The following ARFGEF3 variants were observed in gnomAD, a reference collection of about 807,000 sequenced individuals.
ARFGEF3 encodes the protein ARFGEF family member 3.
A neutral mutation model predicts 221.7 loss-of-function variants in ARFGEF3; 96 were observed. The observed-to-expected ratio is 0.43, with a 90% CI of 0.37 to 0.51. ARFGEF3 has a LOEUF of 0.51. Ranked by LOEUF, ARFGEF3 falls within the 20% of genes least tolerant of loss-of-function variation. The pLI, the probability that ARFGEF3 is intolerant of heterozygous loss-of-function variation, is 0.00. For missense variants in ARFGEF3, 2,410 were observed against 2,789.9 expected (o/e 0.86, Z 3.07); for synonymous variants, 1,145 against 1,126.8 (o/e 1.02, Z -0.32).
At chr6:138,198,591 C>A (rs540667460) in intron 2 of ARFGEF3, among the ~76,000 whole-genome samples, 21 of 152,244 alleles carry the variant, frequency 1.4e-4, no homozygotes, top group Non-Finnish European at 2.8e-4. Flanking sequence ...TGAGTGTCAC[C>A]ACAGTGAGGG....
At position 138,334,847 on chromosome 6, in the gene ARFGEF3, C is replaced by A. The variant is rs182084247; in HGVS notation, c.6001C>A (p.Arg2001=). 1.3e-6 allele frequency: 2 copies of A among 1,596,784 alleles called. No homozygotes were observed. Among genetic ancestry groups the A allele is most frequent in the African/African-American group, 2.7e-5 (2 of 74,446 alleles). ...SPKVEKKDPS[R]KKEWWENAGN... ...CAAAGTGGAGAAGAAGGATCCCAGC[C>A]GGAAGAAGGAGTGGTGGGAGAATGC... The change falls in exon 33 of 34, where the codon CGG becomes AGG. Residue 2001 remains arginine, a synonymous_variant. Coordinates refer to ENST00000251691, the MANE Select transcript of ARFGEF3 (RefSeq NM_020340.5). The surrounding 1 kb of genome is among the most constrained non-coding windows in gnomAD (Gnocchi z 5.1).
intron 27 of ARFGEF3, among the ~76,000 whole-genome samples, chr6:138,318,895 A>G (rs537799896): frequency 1.9e-4 from 29 of 152,340 alleles, no homozygotes; most frequent in African/African-American, 6.0e-4. Context: ...GTACGTAAAT[A>G]CAATAGAAAT....
intron 9 of ARFGEF3, 144 bp from the exon 10 acceptor site, chr6:138,255,292 C>T: frequency 1.7e-6 from 1 of 578,086 alleles, no homozygotes; most frequent in East Asian, 2.9e-5. Context: ...GTTAAAGAGA[C>T]TTAGAAAACA....
intron 22 of ARFGEF3, among the ~76,000 whole-genome samples, chr6:138,302,214 A>T (rs1208635756): frequency 2.6e-5 from 4 of 152,190 alleles, no homozygotes; most frequent in African/African-American, 9.7e-5. Context: ...TTAAGGGAAA[A>T]TATGACAATG....
chr6:138,241,582 T>G (rs1337480849), intron 6 of ARFGEF3, among the ~76,000 whole-genome samples: 1 of 152,178 alleles, frequency 6.6e-6, no homozygotes, highest in African/African-American at 2.4e-5. Context: ...CTCACACTTT[T>G]CCCGGGCGTG....
chr6:138,295,637 A>AG (rs1206806318), intron 20 of ARFGEF3, among the ~76,000 whole-genome samples: 1 of 151,896 alleles, frequency 6.6e-6, no homozygotes, highest in Non-Finnish European at 1.5e-5. Flanking sequence ...CAAAAAAAAA[A>AG]AAAGAAAGAA....
In ARFGEF3 at chr6:138,277,835, G is replaced by A. The variant is rs960287485; in HGVS notation, c.2129-616G>A. Among the ~76,000 whole-genome samples, 10 of 152,286 alleles carry A rather than the reference G, an allele frequency of 6.6e-5. No homozygotes were observed. The East Asian group carries it at 7.7e-4, about 12-fold the overall frequency. On this transcript the variant is annotated intron_variant, in intron 12 of 33. Coordinates refer to ENST00000251691, the MANE Select transcript of ARFGEF3 (RefSeq NM_020340.5). ...GCCATTTTTTAAAAGCCGGGTAAGCGGCATATTGGTGAGGGGCAGGAGTGG... is the reference window on the plus strand; with the variant it reads ...GCCATTTTTTAAAAGCCGGGTAAGCAGCATATTGGTGAGGGGCAGGAGTGG...
Position 138,255,965 on chromosome 6 carries a change from T to C in ARFGEF3, c.1104+196T>C, listed in dbSNP as rs146762837. On this transcript the variant is annotated intron_variant, in intron 10 of 33. Coordinates refer to ENST00000251691, the MANE Select transcript of ARFGEF3 (RefSeq NM_020340.5). ...TGCGAGCTGGGGTAGGAGGGGTCAG[T>C]GATGCCCACTGATGCAAAACCGTTT... Among the ~76,000 whole-genome samples, 35 of 152,284 alleles carry C rather than the reference T, an allele frequency of 2.3e-4. No individual in the cohort carries two copies. The East Asian group carries it at 5.6e-3, about 24-fold the overall frequency.
At chr6:138,303,100 G>A (rs1779654869) in intron 22 of ARFGEF3, among the ~76,000 whole-genome samples, 1 of 152,194 alleles carries the variant, frequency 6.6e-6, no homozygotes, top group South Asian at 2.1e-4. Context: ...TTAGCAGAAA[G>A]GAGGGATGGG....
intron 19 of ARFGEF3, among the ~76,000 whole-genome samples, chr6:138,292,690 G>A (rs1779434919): frequency 6.6e-6 from 1 of 151,980 alleles, no homozygotes. Context: ...CCGTCAGGAA[G>A]GGGACAGGAG....
At chr6:138,278,853 G>A (rs1779147151) in intron 13 of ARFGEF3, among the ~76,000 whole-genome samples, 1 of 152,192 alleles carries the variant, frequency 6.6e-6, no homozygotes, top group Admixed American at 6.5e-5. Flanking sequence ...CCAGTGAAGA[G>A]TGTATGGACG....
intron 22 of ARFGEF3, among the ~76,000 whole-genome samples, chr6:138,306,290 A>G (rs1779722164): frequency 6.6e-6 from 1 of 152,188 alleles, no homozygotes; most frequent in African/African-American, 2.4e-5. Flanking sequence ...AAAGCTACAA[A>G]ACATTGCTGA....
chr6:138,255,647 G>A lies in ARFGEF3; in HGVS notation c.982G>A (p.Glu328Lys), dbSNP rs370057378. Reference protein sequence around the residue: ...VARTIYYIAAELVRLVGSVDS... With the variant: ...VARTIYYIAAKLVRLVGSVDS... Reference sequence around the variant, plus strand: ...TCGGACTATCTATTACATCGCAGCCGAGCTGGTCCGGCTGGTGGGGTCTGT... The same window carrying A: ...TCGGACTATCTATTACATCGCAGCCAAGCTGGTCCGGCTGGTGGGGTCTGT... Residue 328 changes from glutamate to lysine, a missense_variant, in exon 10 of 34, where the codon GAG becomes AAG. Transcript: ENST00000251691. 4 of 1,613,804 alleles carry A rather than the reference G, an allele frequency of 2.5e-6. No individual in the cohort carries two copies. Among genetic ancestry groups the A allele is most frequent in the Non-Finnish European group, 2.5e-6 (3 of 1,179,852 alleles).
chr6:138,235,217 A>G (rs1778263978), intron 5 of ARFGEF3, among the ~76,000 whole-genome samples: 1 of 152,042 alleles, frequency 6.6e-6, no homozygotes, highest in Non-Finnish European at 1.5e-5. Flanking sequence ...ATTTTGTATC[A>G]TTAACCGTTT....
chr6:138,162,636 G>A lies in ARFGEF3; in HGVS notation c.85+465G>A, dbSNP rs1216090822. On this transcript the variant is annotated intron_variant, in intron 1 of 33. Coordinates refer to ENST00000251691, the MANE Select transcript of ARFGEF3 (RefSeq NM_020340.5). The surrounding 1 kb of genome is among the most constrained non-coding windows in gnomAD (Gnocchi z 4.7). The stretch of plus-strand genomic sequence containing the variant: ...TTCCTGATAGAGGTCAGCTTGCTTA[G>A]TGTTAGCTTTCCTGGTTATTGCACA... Among the ~76,000 whole-genome samples the A allele has an allele frequency of 6.6e-6, 1 of 152,230 alleles. No homozygotes were observed. The highest frequency in any genetic ancestry group is 2.4e-5 in the African/African-American group (1 of 41,464).
chr6:138,227,351 C>T (rs72986859), intron 4 of ARFGEF3, among the ~76,000 whole-genome samples: 1 of 152,288 alleles, frequency 6.6e-6, no homozygotes, highest in Non-Finnish European at 1.5e-5. Flanking sequence ...ACCGCTGCTC[C>T]GAAAAGCAGC....
chr6:138,220,262 C>A (rs1024327132), intron 4 of ARFGEF3, among the ~76,000 whole-genome samples: 2 of 152,110 alleles, frequency 1.3e-5, no homozygotes, highest in Admixed American at 1.3e-4. Flanking sequence ...CTTGGCCTCC[C>A]GAAGTGCTAG....
intron 22 of ARFGEF3, among the ~76,000 whole-genome samples, chr6:138,300,382 C>T (rs191767502): frequency 6.6e-6 from 1 of 152,226 alleles, no homozygotes; most frequent in Admixed American, 6.5e-5. Flanking sequence ...ACACCTAAGA[C>T]TTTATACCAA....
chr6:138,170,769 C>G, intron 2 of ARFGEF3, 56 bp downstream of exon 2: 3 of 973,384 alleles, frequency 3.1e-6, no homozygotes, highest in Non-Finnish European at 5.0e-6. Flanking sequence ...ACTGAAGGCC[C>G]AGATAACCAC....
Sources: gnomAD v4.1 joint callset for allele counts (sites outside exome capture counted in the v4.1 genomes callset) on GRCh38, gnomAD v4.1.1 for gene constraint, Gnocchi (gnomAD v3.1) non-coding constraint, MANE v1.5 for transcripts, NCBI Gene and HGNC (gene_info 2026-07-23, HGNC 2026-07-21) for gene names.